ANO3: variants seen among roughly 807,000 people sequenced by gnomAD.
ANO3 encodes anoctamin-3.
A neutral mutation model predicts 144.8 loss-of-function variants in ANO3; 99 were observed. That is an observed-to-expected ratio of 0.68 (90% confidence interval 0.58 to 0.81). The LOEUF is 0.81. Among genes scored for constraint, ANO3 ranks in the 30% least tolerant of loss-of-function variants. The pLI is 0.00. For missense variants in ANO3, 905 were observed against 1,202.2 expected, an observed-to-expected ratio of 0.75 and a Z score of 3.66; for synonymous variants, 414 against 392.6, an observed-to-expected ratio of 1.05 and a Z score of -0.64.
At chr11:26,553,661 C>T (rs751056216) in intron 13 of ANO3, among the ~76,000 whole-genome samples, 1 of 151,958 alleles carries the variant, frequency 6.6e-6, no homozygotes, top group Admixed American at 6.6e-5. Flanking sequence ...TAAATGTGTA[C>T]GTTACATGAA....
chr11:26,634,120 G>T, intron 18 of ANO3, 84 bp from the exon 19 acceptor site: 109 of 602,246 alleles, frequency 1.8e-4, no homozygotes, highest in Non-Finnish European at 2.8e-4. Context: ...AGACAAACTT[G>T]AACTTGGGGT....
chr11:26,354,293 C>G (rs1855720972), intron 1 of ANO3, among the ~76,000 whole-genome samples: 1 of 152,150 alleles, frequency 6.6e-6, no homozygotes, highest in Admixed American at 6.5e-5. Context: ...TAAAAATTTG[C>G]TCTTCTTTCC....
At chr11:26,418,176 T>G (rs1344832686) in intron 1 of ANO3, among the ~76,000 whole-genome samples, 2 of 152,080 alleles carry the variant, frequency 1.3e-5, no homozygotes, top group African/African-American at 2.4e-5. Context: ...TGGGAAGTTC[T>G]ATGGTTACAA....
chr11:26,476,924 T>A lies in ANO3; in HGVS notation c.432+13776T>A, dbSNP rs1397383956. Among the ~76,000 whole-genome samples the A allele has an allele frequency of 7.8e-3, 1,139 of 145,766 alleles. 10 individuals are homozygous for A. Among genetic ancestry groups the A allele is most frequent in the African/African-American group, 0.027 (1,063 of 39,124 alleles). On this transcript the variant is annotated intron_variant, in intron 4 of 26. Transcript: ENST00000256737. ...GTGTATGTGTGTGTGTGTGTGTGTG[T>A]GTGTGTGTGAGAGAGAGAGAGAGAG...
intron 1 of ANO3, among the ~76,000 whole-genome samples, chr11:26,232,440 A>C (rs915317728): frequency 5.9e-5 from 9 of 152,168 alleles, no homozygotes; most frequent in African/African-American, 1.9e-4. Flanking sequence ...TTCATGAAAA[A>C]AAAATGCATA....
At chr11:26,419,381 G>C (rs1255791374) in intron 1 of ANO3, among the ~76,000 whole-genome samples, 3 of 152,038 alleles carry the variant, frequency 2.0e-5, no homozygotes, top group Non-Finnish European at 4.4e-5. Context: ...TTCTGTTTCT[G>C]ATTTTCACGT....
chr11:26,492,604 A>G lies in ANO3; in HGVS notation c.433-15500A>G, dbSNP rs553794559. ...CCCACACTCAAAATATCATCATTTG[A>G]TAATTATAACGATAAGTACAGGGCA... is the stretch of plus-strand genomic sequence containing the variant. On this transcript the variant is annotated intron_variant, in intron 4 of 26. Transcript: ENST00000256737. Among the ~76,000 whole-genome samples, 72 of 152,340 alleles carry G rather than the reference A, an allele frequency of 4.7e-4. 1 individual carries two copies. Among genetic ancestry groups the G allele is most frequent in the African/African-American group, 1.7e-3 (72 of 41,592 alleles).
intron 1 of ANO3, among the ~76,000 whole-genome samples, chr11:26,272,933 G>C (rs572107618): frequency 6.6e-6 from 1 of 152,098 alleles, no homozygotes; most frequent in African/African-American, 2.4e-5. Context: ...GTACATGCTC[G>C]ATACTTAACA....
At chr11:26,597,136 G>A (rs535819263) in intron 14 of ANO3, among the ~76,000 whole-genome samples, 11 of 152,292 alleles carry the variant, frequency 7.2e-5, no homozygotes, top group East Asian at 3.9e-4. Flanking sequence ...GAGAAGCGCC[G>A]TACGGGCCAC....
chr11:26,271,757 T>C (rs1412653951), intron 1 of ANO3, among the ~76,000 whole-genome samples: 1 of 151,636 alleles, frequency 6.6e-6, no homozygotes, highest in Non-Finnish European at 1.5e-5. Flanking sequence ...TCTAAAATTA[T>C]TTAAGGGTAA....
At chr11:26,480,077 G>A (rs900133471) in intron 4 of ANO3, among the ~76,000 whole-genome samples, 4 of 152,168 alleles carry the variant, frequency 2.6e-5, no homozygotes, top group Non-Finnish European at 5.9e-5. Flanking sequence ...CTACAACACC[G>A]CGTGGGAGAA....
At chr11:26,639,265 G>A (rs201175330) in intron 21 of ANO3, 24 bp downstream of exon 21, 2 of 1,572,232 alleles carry the variant, frequency 1.3e-6, no homozygotes, top group African/African-American at 1.3e-5. Flanking sequence ...TTTCAAACTT[G>A]CCTTATGTCT....
intron 1 of ANO3, among the ~76,000 whole-genome samples, chr11:26,383,879 T>C (rs192286545): frequency 3.3e-4 from 47 of 143,072 alleles, no homozygotes; most frequent in Admixed American, 6.7e-4. Flanking sequence ...TCTTGTGCCA[T>C]GCATTGTTCT....
chr11:26,223,227 C>G (rs978930473), intron 1 of ANO3, among the ~76,000 whole-genome samples: 1 of 152,062 alleles, frequency 6.6e-6, no homozygotes, highest in Non-Finnish European at 1.5e-5. Flanking sequence ...CTGCCAGATA[C>G]CCTGAGTCGT....
intron 1 of ANO3, among the ~76,000 whole-genome samples, chr11:26,368,408 T>C (rs1428371352): frequency 1.3e-5 from 2 of 152,226 alleles, no homozygotes; most frequent in Non-Finnish European, 2.9e-5. Context: ...ACAACCTCAA[T>C]ATGAATGTAA....
chr11:26,289,872 C>T (rs1481107358), intron 1 of ANO3, among the ~76,000 whole-genome samples: 1 of 151,398 alleles, frequency 6.6e-6, no homozygotes, highest in East Asian at 1.9e-4. Context: ...GGATATTGGT[C>T]TAAAATTCTC....
chr11:26,576,831 G>T (rs1179830143), intron 14 of ANO3, among the ~76,000 whole-genome samples: 1 of 151,932 alleles, frequency 6.6e-6, no homozygotes, highest in East Asian at 1.9e-4. Context: ...AGTAAATGCT[G>T]GATAAACTTA....
At chr11:26,625,907 A>T (rs1852568919) in intron 18 of ANO3, among the ~76,000 whole-genome samples, 1 of 152,216 alleles carries the variant, frequency 6.6e-6, no homozygotes, top group African/African-American at 2.4e-5. Flanking sequence ...TGCTACTTGT[A>T]AGTAAGTTTC....
chr11:26,479,031 A>G (rs978472827), intron 4 of ANO3, among the ~76,000 whole-genome samples: 3 of 152,218 alleles, frequency 2.0e-5, no homozygotes, highest in Admixed American at 1.3e-4. Context: ...AAAGAATGAG[A>G]CAGAGAAAAA....
Sources: allele counts gnomAD v4.1 joint callset (sites outside exome capture counted in the v4.1 genomes callset), GRCh38; gene constraint gnomAD v4.1.1; transcripts MANE v1.5; gene names NCBI Gene and HGNC (gene_info 2026-07-23, HGNC 2026-07-21).